SOX6: variants seen among roughly 807,000 people sequenced by gnomAD.
SOX6 encodes the protein transcription factor SOX-6.
A neutral mutation model predicts 97.8 loss-of-function variants in SOX6; 11 were observed. The observed-to-expected ratio is 0.11, with a 90% CI of 0.07 to 0.19. SOX6 has a LOEUF of 0.19. Among genes scored for constraint, SOX6 ranks in the 10% least tolerant of loss-of-function variants. SOX6 has a pLI of 1.00. For missense variants in SOX6, 810 were observed against 1,039.5 expected, an observed-to-expected ratio of 0.78 and a Z score of 3.04; for synonymous variants, 360 against 371.4, an observed-to-expected ratio of 0.97 and a Z score of 0.35.
chr11:16,318,720 A>T, intron 2 of SOX6, 67 bp from the exon 3 acceptor site: 1 of 1,373,042 alleles, frequency 7.3e-7, no homozygotes, highest in Non-Finnish European at 1.0e-6. Flanking sequence ...GGAGAAAAAA[A>T]TCCCAAACTG....
chr11:16,228,611 A>T (rs1249902191), intron 4 of SOX6, among the ~76,000 whole-genome samples: 1 of 152,300 alleles, frequency 6.6e-6, no homozygotes, highest in Admixed American at 6.5e-5. Context: ...ACTGAAGTTG[A>T]TAATATTGTG....
intron 4 of SOX6, among the ~76,000 whole-genome samples, chr11:16,546,188 A>C (rs537233356): frequency 7.7e-4 from 117 of 152,182 alleles, no homozygotes; most frequent in Non-Finnish European, 1.1e-3. Context: ...TGCTGATGAA[A>C]GAAATTGAAA....
chr11:16,554,579 G>A (rs1358784937), intron 4 of SOX6, among the ~76,000 whole-genome samples: 1 of 152,056 alleles, frequency 6.6e-6, no homozygotes, highest in Non-Finnish European at 1.5e-5. Context: ...TTTCGTCCAA[G>A]TCTCTGTAAT....
Position 16,109,805 on chromosome 11 carries a change from G to A in SOX6, c.898+1998C>T, listed in dbSNP as rs35644404. Among the ~76,000 whole-genome samples the A allele has an allele frequency of 6.3e-3, 954 of 152,180 alleles. 6 individuals are homozygous for A. Among genetic ancestry groups the A allele is most frequent in the Non-Finnish European group, 7.2e-3 (493 of 68,022 alleles). Reference sequence around the variant, plus strand: ...GTCTGACATAATTTAGGAGTCACACGAAAGTAAACACTTTTTTTTACCAAC... The same window carrying A: ...GTCTGACATAATTTAGGAGTCACACAAAAGTAAACACTTTTTTTTACCAAC... On this transcript the variant is annotated intron_variant, in intron 7 of 15. Coordinates refer to ENST00000683767, the MANE Select transcript of SOX6 (RefSeq NM_001367873.1).
intron 3 of SOX6, among the ~76,000 whole-genome samples, chr11:16,643,036 G>A (rs775848640): frequency 2.4e-4 from 36 of 152,126 alleles, no homozygotes; most frequent in South Asian, 8.3e-4. Context: ...TTTCCCCATC[G>A]TTGTGGTTTT....
At position 16,577,299 on chromosome 11, in the gene SOX6, G is replaced by GC. The variant is rs1847993068; in HGVS notation, n.609+34781dup. 2.6e-5 allele frequency among the ~76,000 whole-genome samples: 4 copies of GC among 152,064 alleles called. No homozygotes were observed. The South Asian group carries it at 8.3e-4, about 31-fold the overall frequency. ...CTAGAGAAATACTTAACTTCATTAT[G>GC]CTTTATAAAAATAATTTAAGTATGT... On this transcript the variant is annotated intron_variant and non_coding_transcript_variant, in intron 4 of 5. Transcript: ENST00000524520.
chr11:16,611,365 C>T (rs139039357), intron 4 of SOX6, among the ~76,000 whole-genome samples: 52 of 152,346 alleles, frequency 3.4e-4, no homozygotes, highest in African/African-American at 1.1e-3. Context: ...ATTGAAGTCG[C>T]TAACTTCTTT....
intron 6 of SOX6, among the ~76,000 whole-genome samples, chr11:16,128,892 C>T (rs926958742): frequency 1.3e-5 from 2 of 152,012 alleles, no homozygotes; most frequent in African/African-American, 4.8e-5. Context: ...CAGAGTTTCG[C>T]TCTTGTTGCC....
intron 9 of SOX6, among the ~76,000 whole-genome samples, chr11:16,078,866 T>C (rs915904964): frequency 1.3e-5 from 2 of 152,078 alleles, no homozygotes; most frequent in African/African-American, 4.8e-5. Context: ...GAAAGTCCTA[T>C]GGCAAGGGTG....
chr11:16,001,703 A>C (rs1285266491), intron 13 of SOX6, among the ~76,000 whole-genome samples: 1 of 152,186 alleles, frequency 6.6e-6, no homozygotes, highest in Non-Finnish European at 1.5e-5. Flanking sequence ...TGTTCTCTGA[A>C]ATACTGCCCC....
At chr11:16,493,439 A>G (rs1411847460) in intron 4 of SOX6, among the ~76,000 whole-genome samples, 1 of 152,166 alleles carries the variant, frequency 6.6e-6, no homozygotes, top group East Asian at 1.9e-4. Context: ...GAAAAGCAAG[A>G]AGTGATTATC....
intron 6 of SOX6, among the ~76,000 whole-genome samples, chr11:16,146,876 G>A (rs1225987648): frequency 6.6e-6 from 1 of 152,196 alleles, no homozygotes; most frequent in Non-Finnish European, 1.5e-5. Context: ...AGGATGTGGA[G>A]AAATAGGAAA....
chr11:16,449,277 CTTTTTTTTTTTTTTTT>C (rs10611823), intron 1 of SOX6, among the ~76,000 whole-genome samples: 8 of 62,906 alleles, frequency 1.3e-4, no homozygotes, highest in African/African-American at 1.4e-4. Context: ...AATGCTCCTT[CTTTTTTTTTTTTTTTT>C]TTTTTTTTTT....
chr11:16,485,964 AGG>A (rs1443753223), intron 4 of SOX6, among the ~76,000 whole-genome samples: 1 of 2,384 alleles, frequency 4.2e-4, no homozygotes, highest in Non-Finnish European at 6.2e-4. Context: ...AGGGGAGGGG[AGG>A]GGAGGGGAGG....
In SOX6 at chr11:16,571,523, T is replaced by C. The variant is rs184549024; in HGVS notation, n.609+40558A>G. On this transcript the variant is annotated intron_variant and non_coding_transcript_variant, in intron 4 of 5. Transcript: ENST00000524520. ...ACAGCATACTACGACCTGGAACTCC[T>C]GGGCTCAAGCAATCTTCCCACCTCA... Among the ~76,000 whole-genome samples the C allele has an allele frequency of 9.1e-4, 139 of 152,296 alleles. 3 individuals are homozygous for C. The highest frequency in any genetic ancestry group is 3.0e-3 in the African/African-American group (123 of 41,572).
chr11:16,443,385 G>T (rs1373609390), intron 1 of SOX6, among the ~76,000 whole-genome samples: 1 of 152,114 alleles, frequency 6.6e-6, no homozygotes, highest in African/African-American at 2.4e-5. Context: ...AATGTCTGTG[G>T]ATTGAAAGAA....
rs376119724 is a variant in SOX6 at position 16,738,454 on chromosome 11, C to T, written n.190G>A. 8 of 430,404 alleles carry T rather than the reference C, an allele frequency of 1.9e-5. No individual in the cohort carries two copies. In the East Asian group the frequency reaches 2.5e-4, roughly 13 times the overall value. The allele number at this position is 430,404 out of a possible 1,614,324, so 26.7% of individuals were successfully genotyped here. A position where few individuals can be genotyped will look rare whatever the true frequency, so the allele number is the denominator to read the frequency against. On this transcript the variant is annotated non_coding_transcript_exon_variant, in exon 1 of 6. Coordinates refer to the SOX6 transcript ENST00000524520. ...ATACACATCCGCGGGAACGCTTCCT[C>T]CACCAGCCGAAGGCGGGGCCTCTGA... is the stretch of plus-strand genomic sequence containing the variant.
At chr11:16,242,834 A>G (rs1853233805) in intron 3 of SOX6, among the ~76,000 whole-genome samples, 2 of 152,008 alleles carry the variant, frequency 1.3e-5, no homozygotes, top group African/African-American at 4.8e-5. Flanking sequence ...CAAAAGATCA[A>G]TTTAAAACAA....
chr11:16,423,947 T>C (rs1003268462), intron 1 of SOX6, among the ~76,000 whole-genome samples: 2 of 152,206 alleles, frequency 1.3e-5, no homozygotes, highest in Non-Finnish European at 2.9e-5. Context: ...ACTTGTTGAA[T>C]ACCTACTATG....
Sources: allele counts gnomAD v4.1 joint callset (sites outside exome capture counted in the v4.1 genomes callset), GRCh38; gene constraint gnomAD v4.1.1; transcripts MANE v1.5; gene names NCBI Gene and HGNC (gene_info 2026-07-23, HGNC 2026-07-21).